The following SLC14A2 variants were observed in gnomAD, a reference collection of about 807,000 sequenced individuals.
The protein encoded by SLC14A2 is solute carrier family 14 member 2.
Under a neutral mutation model 104.6 loss-of-function variants are expected in SLC14A2, and 91 were observed. The observed-to-expected ratio is 0.87, with a 90% CI of 0.73 to 1.04. The LOEUF (loss-of-function observed/expected upper bound fraction) is 1.04. Among genes scored for constraint, SLC14A2 ranks in the 50% least tolerant of loss-of-function variants. SLC14A2 has a pLI of 0.00. For synonymous variants in SLC14A2, 476 were observed against 466.4 expected (o/e 1.02, Z -0.27); for missense variants, 1,189 against 1,156.0 (o/e 1.03, Z -0.41).
intron 1 of SLC14A2, chr18:45,435,326 C>T (rs1321801694): frequency 6.6e-6 from 1 of 152,112 alleles, no homozygotes. Context: ...ATTAGCCCAA[C>T]TCAAAGGCAA....
intron 2 of SLC14A2, among the ~76,000 whole-genome samples, chr18:45,522,478 T>A (rs1438307834): frequency 6.6e-6 from 1 of 152,126 alleles, no homozygotes; most frequent in Non-Finnish European, 1.5e-5. Context: ...CTCATTCTGC[T>A]GGAGATGGCC....
chr18:45,424,743 G>A (rs570621437), intron 1 of SLC14A2, among the ~76,000 whole-genome samples: 6 of 152,194 alleles, frequency 3.9e-5, no homozygotes, highest in Non-Finnish European at 7.3e-5. Flanking sequence ...AAGATTTATC[G>A]TTTATGGGCT....
At chr18:45,379,493 G>T (rs193188927) in intron 1 of SLC14A2, among the ~76,000 whole-genome samples, 2 of 152,182 alleles carry the variant, frequency 1.3e-5, no homozygotes, top group South Asian at 4.2e-4. Context: ...CCTTCGACCT[G>T]GTTTCAGAAC....
rs117947404 is a variant in SLC14A2, at chr18:45,589,471, C to T, written c.-34-35160C>T. ...TTTATAGGAAATCCTTTATAATGCA[C>T]GTTTAGTGTTTCCATATGGAATTCT... On this transcript the variant is annotated intron_variant, in intron 2 of 20. Coordinates refer to the SLC14A2 transcript ENST00000586448. 4.8e-4 allele frequency among the ~76,000 whole-genome samples: 73 copies of T among 152,254 alleles called. 1 individual carries two copies. In the East Asian group the frequency reaches 0.013, roughly 28 times the overall value.
rs548468553 is a variant in SLC14A2, at chr18:45,254,169, G to A, written c.-125+40978G>A. ...GTCAACCAGCTCCTCTCATTCAGTC[G>A]ACACTCTTGCCAGCTGGCCATGTGC... On this transcript the variant is annotated intron_variant, in intron 1 of 20. Transcript: ENST00000586448. Among the ~76,000 whole-genome samples, 94 of 152,304 alleles carry A rather than the reference G, an allele frequency of 6.2e-4. No homozygotes were observed. The Middle Eastern group carries it at 0.014, about 22-fold the overall frequency.
the SLC14A2 span, among the ~76,000 whole-genome samples, chr18:45,187,577 A>C: frequency 6.6e-6 from 1 of 152,116 alleles, no homozygotes; most frequent in Non-Finnish European, 1.5e-5. Flanking sequence ...CATGGTATTG[A>C]GAGACGCTTT....
chr18:45,669,255 G>A (rs1346544538), intron 15 of SLC14A2, 51 bp from the exon 16 acceptor site: 1 of 1,504,732 alleles, frequency 6.6e-7, no homozygotes, highest in Admixed American at 1.7e-5. Context: ...ACAGTCTAGT[G>A]TTATGACCAG....
the SLC14A2 span, among the ~76,000 whole-genome samples, chr18:45,189,873 C>T: frequency 6.6e-6 from 1 of 151,868 alleles, no homozygotes; most frequent in Non-Finnish European, 1.5e-5. Flanking sequence ...GCAGGCAGTC[C>T]CATCCCTAGG....
intron 2 of SLC14A2, among the ~76,000 whole-genome samples, chr18:45,562,192 C>T (rs887117204): frequency 5.3e-5 from 8 of 152,208 alleles, no homozygotes; most frequent in Non-Finnish European, 7.3e-5. Flanking sequence ...CAGAAGAGTT[C>T]CTCCCTTTAA....
chr18:45,514,298 G>A (rs541418280), intron 2 of SLC14A2, among the ~76,000 whole-genome samples: 1 of 152,156 alleles, frequency 6.6e-6, no homozygotes, highest in African/African-American at 2.4e-5. Context: ...ACTGACGGGA[G>A]AGAGATAGCA....
At chr18:45,672,815 G>C in intron 16 of SLC14A2, 85 bp from the exon 17 acceptor site, 2 of 1,250,272 alleles carry the variant, frequency 1.6e-6, no homozygotes, top group Non-Finnish European at 2.2e-6. Context: ...TTAGTGGGAA[G>C]GGTTCAGTGC....
Position 45,361,879 on chromosome 18 carries a change from G to T in SLC14A2, c.-124-121354G>T, listed in dbSNP as rs141512478. ...ATTGCTGCATGGAAAAAAATGACAC[G>T]GCTCAGGCCCATCTTTTCCCCGGGA... On this transcript the variant is annotated intron_variant, in intron 1 of 20. Coordinates refer to the SLC14A2 transcript ENST00000586448. 6.6e-5 allele frequency among the ~76,000 whole-genome samples: 10 copies of T among 152,200 alleles called. No homozygotes were observed. In the East Asian group the frequency reaches 1.9e-3, roughly 29 times the overall value.
At chr18:45,540,832 C>G (rs1409743644) in intron 2 of SLC14A2, among the ~76,000 whole-genome samples, 1 of 152,178 alleles carries the variant, frequency 6.6e-6, no homozygotes, top group African/African-American at 2.4e-5. Flanking sequence ...TCTTTTCCCT[C>G]TTGCCACCTG....
At chr18:45,577,928 G>A (rs908976873) in intron 2 of SLC14A2, among the ~76,000 whole-genome samples, 5 of 152,162 alleles carry the variant, frequency 3.3e-5, no homozygotes, top group Admixed American at 1.3e-4. Context: ...GGAGTAATGA[G>A]AGAAGGCTCC....
At chr18:45,201,873 A>C in the SLC14A2 span, among the ~76,000 whole-genome samples, 1 of 152,166 alleles carries the variant, frequency 6.6e-6, no homozygotes, top group Admixed American at 6.5e-5. Context: ...CAAAATGAAG[A>C]AATGTAACTC....
At chr18:45,273,470 A>T (rs1357785431) in intron 1 of SLC14A2, among the ~76,000 whole-genome samples, 1 of 152,144 alleles carries the variant, frequency 6.6e-6, no homozygotes, top group Non-Finnish European at 1.5e-5. Context: ...GGTAGGTAAG[A>T]ATTTCCCAGG....
intron 2 of SLC14A2, among the ~76,000 whole-genome samples, chr18:45,539,911 T>A (rs2852277): frequency 0.2 from 29,446 of 150,214 alleles, 2,876 homozygotes; most frequent in Non-Finnish European, 0.21. Flanking sequence ...AAAAAAAATT[T>A]AAAAAAAACA....
At chr18:45,355,473 G>A (rs1458839268) in intron 1 of SLC14A2, among the ~76,000 whole-genome samples, 2 of 150,108 alleles carry the variant, frequency 1.3e-5, no homozygotes, top group African/African-American at 4.9e-5. Context: ...AGCTACTCAG[G>A]AGGCTGAGGC....
At chr18:45,207,876 G>A in the SLC14A2 span, among the ~76,000 whole-genome samples, 1 of 151,998 alleles carries the variant, frequency 6.6e-6, no homozygotes, top group African/African-American at 2.4e-5. Flanking sequence ...AATTGACAAG[G>A]CTTTTACAGC....
Sources: allele counts gnomAD v4.1 joint callset (sites outside exome capture counted in the v4.1 genomes callset), GRCh38; gene constraint gnomAD v4.1.1; transcripts MANE v1.5; gene names NCBI Gene and HGNC (gene_info 2026-07-23, HGNC 2026-07-21).